Variants in FBXL17 observed in about 807,000 individuals in gnomAD.
FBXL17 encodes F-box/LRR-repeat protein 17.
FBXL17 carries 22 observed loss-of-function variants against 66.2 expected under a neutral mutation model. The observed-to-expected ratio is 0.33, with a 90% CI of 0.24 to 0.47. The LOEUF (loss-of-function observed/expected upper bound fraction) is 0.47, where lower values mean the gene tolerates loss of function less well. FBXL17 is among the 20% of genes least tolerant of loss of function. FBXL17 has a pLI of 1.00. For synonymous variants in FBXL17, 474 were observed against 400.5 expected, an observed-to-expected ratio of 1.18 and a Z score of -2.19; for missense variants, 878 against 948.2, an observed-to-expected ratio of 0.93 and a Z score of 0.97.
At position 108,137,432 on chromosome 5, in the gene FBXL17, C is replaced by T. The variant is rs180919893; in HGVS notation, c.1745+48685G>A. 3.9e-3 allele frequency among the ~76,000 whole-genome samples: 589 copies of T among 152,194 alleles called. 11 individuals are homozygous for T. The highest frequency in any genetic ancestry group is 8.5e-4 in the Non-Finnish European group (58 of 68,008). ...CATGTTGCTCCTTATCTCCCCAACACCCACCTTCACAGAATCAGATACATC... is the reference window on the plus strand; with the variant it reads ...CATGTTGCTCCTTATCTCCCCAACATCCACCTTCACAGAATCAGATACATC... On this transcript the variant is annotated intron_variant, in intron 6 of 8. Transcript: ENST00000542267.
chr5:107,943,597 C>G (rs113221646), intron 7 of FBXL17, among the ~76,000 whole-genome samples: 98 of 151,096 alleles, frequency 6.5e-4, no homozygotes, highest in African/African-American at 2.3e-3. Flanking sequence ...GTTAATCTTC[C>G]CTTCTTCAAC....
At chr5:108,086,901 C>T (rs1283176363) in intron 6 of FBXL17, among the ~76,000 whole-genome samples, 4 of 150,408 alleles carry the variant, frequency 2.7e-5, no homozygotes, top group Non-Finnish European at 5.9e-5. Context: ...GAATCACACC[C>T]TTTCACCACT....
At chr5:107,933,497 A>G (rs919790908) in intron 7 of FBXL17, among the ~76,000 whole-genome samples, 5 of 152,232 alleles carry the variant, frequency 3.3e-5, no homozygotes, top group African/African-American at 1.2e-4. Flanking sequence ...ACATGAAGGT[A>G]GCTGGAACGC....
intron 6 of FBXL17, among the ~76,000 whole-genome samples, chr5:108,022,438 C>T (rs983752044): frequency 3.3e-5 from 5 of 151,866 alleles, no homozygotes; most frequent in East Asian, 3.9e-4. Flanking sequence ...TATTTTTACA[C>T]GCTAAGAGTA....
intron 7 of FBXL17, among the ~76,000 whole-genome samples, chr5:107,993,187 A>G (rs1031370419): frequency 5.9e-5 from 9 of 151,802 alleles, no homozygotes; most frequent in Non-Finnish European, 8.8e-5. Flanking sequence ...GAGCCACCGC[A>G]CCCGGCCTGT....
chr5:108,221,938 T>C (rs956158123), intron 5 of FBXL17, among the ~76,000 whole-genome samples: 38 of 152,182 alleles, frequency 2.5e-4, no homozygotes, highest in Non-Finnish European at 7.4e-5. Context: ...TGCTTAGTTG[T>C]ACACACCAGT....
At chr5:108,191,230 T>C (rs546785598) in intron 5 of FBXL17, among the ~76,000 whole-genome samples, 9 of 152,212 alleles carry the variant, frequency 5.9e-5, no homozygotes, top group African/African-American at 1.7e-4. Context: ...TCCAGCTACA[T>C]AAATATCTCC....
intron 7 of FBXL17, among the ~76,000 whole-genome samples, chr5:107,925,671 C>T (rs769578230): frequency 3.3e-5 from 5 of 152,142 alleles, no homozygotes; most frequent in African/African-American, 4.8e-5. Context: ...AACCCCCAAG[C>T]GGGAATGAGC....
chr5:108,070,724 C>A (rs1463228293), intron 6 of FBXL17, among the ~76,000 whole-genome samples: 1 of 152,138 alleles, frequency 6.6e-6, no homozygotes, highest in Non-Finnish European at 1.5e-5. Flanking sequence ...TTTTTACTAA[C>A]CCTAGTCCTT....
intron 7 of FBXL17, among the ~76,000 whole-genome samples, chr5:107,951,674 T>TA (rs1185718020): frequency 6.3e-4 from 96 of 152,258 alleles, no homozygotes; most frequent in African/African-American, 2.3e-3. Context: ...TGCCATCTAC[T>TA]AGCCTAGGTA....
chr5:107,867,327 G>T (rs1254249512), intron 8 of FBXL17, among the ~76,000 whole-genome samples: 4 of 152,206 alleles, frequency 2.6e-5, no homozygotes, highest in Non-Finnish European at 5.9e-5. Flanking sequence ...AACAAGTTTT[G>T]CTGGGTCATG....
At chr5:108,179,841 A>C (rs1343159883) in intron 6 of FBXL17, among the ~76,000 whole-genome samples, 1 of 152,170 alleles carries the variant, frequency 6.6e-6, no homozygotes, top group Non-Finnish European at 1.5e-5. Context: ...ATTTTACCAG[A>C]CTCAATTTAA....
chr5:108,043,312 T>G (rs966134124), intron 6 of FBXL17, among the ~76,000 whole-genome samples: 1 of 152,190 alleles, frequency 6.6e-6, no homozygotes, highest in Non-Finnish European at 1.5e-5. Context: ...CCCTAGACCC[T>G]GAAGGTTTTT....
intron 4 of FBXL17, among the ~76,000 whole-genome samples, chr5:108,272,029 G>A (rs938740390): frequency 5.9e-5 from 9 of 152,260 alleles, no homozygotes; most frequent in East Asian, 5.8e-4. Flanking sequence ...AGTGGCTCAC[G>A]CCTGTAATCC....
chr5:107,998,196 T>C (rs1753558440), intron 7 of FBXL17, among the ~76,000 whole-genome samples: 1 of 152,236 alleles, frequency 6.6e-6, no homozygotes, highest in Non-Finnish European at 1.5e-5. Context: ...ATTATTAAAA[T>C]AAATTTCACC....
In FBXL17 at chr5:108,209,830, G is replaced by C. The variant is rs141431996; in HGVS notation, c.1614+14291C>G. ...CAGGATGATGCTGGCCACATAAAAT[G>C]AGTTAAGGAGGATTCCCTCTTTTTC... On this transcript the variant is annotated intron_variant, in intron 5 of 8. Transcript: ENST00000542267. Among the ~76,000 whole-genome samples the C allele has an allele frequency of 5.2e-3, 791 of 152,266 alleles. 9 individuals are homozygous for C. Among genetic ancestry groups the C allele is most frequent in the African/African-American group, 0.018 (749 of 41,558 alleles).
At chr5:108,016,685 G>A (rs1336138338) in intron 7 of FBXL17, among the ~76,000 whole-genome samples, 3 of 152,132 alleles carry the variant, frequency 2.0e-5, no homozygotes, top group Non-Finnish European at 2.9e-5. Flanking sequence ...CCACAGGCCT[G>A]AGTGACACAG....
At position 108,253,192 on chromosome 5, in the gene FBXL17, G is replaced by A. The variant is rs139760303; in HGVS notation, c.1507-28964C>T. Among the ~76,000 whole-genome samples, 37 of 152,216 alleles carry A rather than the reference G, an allele frequency of 2.4e-4. 1 individual carries two copies. The Middle Eastern group carries it at 0.01, about 42-fold the overall frequency. ...ACCTGTACTATATGAAAATTTCCTT[G>A]TAAGACAGGTTCCATGAATCACAGA... is the stretch of plus-strand genomic sequence containing the variant. On this transcript the variant is annotated intron_variant, in intron 4 of 8. Coordinates refer to ENST00000542267, the MANE Select transcript of FBXL17 (RefSeq NM_001163315.3).
chr5:108,182,109 T>C (rs1168462626), intron 6 of FBXL17, among the ~76,000 whole-genome samples: 1 of 152,194 alleles, frequency 6.6e-6, no homozygotes, highest in Non-Finnish European at 1.5e-5. Flanking sequence ...TTAAGTCTTA[T>C]GTCACCTAAA....
Sources: allele counts gnomAD v4.1 joint callset (sites outside exome capture counted in the v4.1 genomes callset), GRCh38; gene constraint gnomAD v4.1.1; transcripts MANE v1.5; gene names NCBI Gene and HGNC (gene_info 2026-07-23, HGNC 2026-07-21).